DIP2B: variants seen among roughly 807,000 people sequenced by gnomAD.
DIP2B encodes DIP2 acetate--CoA ligase B (putative).
A neutral mutation model predicts 198.0 loss-of-function variants in DIP2B; 76 were observed. That is an observed-to-expected ratio of 0.38 (90% CI 0.32 to 0.46). DIP2B has a LOEUF of 0.46. Among genes scored for constraint, DIP2B ranks in the 20% least tolerant of loss-of-function variants. The pLI is 0.99. For synonymous variants in DIP2B, 701 were observed against 739.1 expected (o/e 0.95, Z 0.84); for missense variants, 1,559 against 1,978.4 (o/e 0.79, Z 4.02).
rs1939325352 is a variant in DIP2B, at chr12:50,697,056, C to T, written c.1934-5C>T. ...GCTTCAGGTTGATCTGTTCCAACTCCTTAGGGTCCGTGTCATCCTGTGATG... is the reference window on the plus strand; with the variant it reads ...GCTTCAGGTTGATCTGTTCCAACTCTTTAGGGTCCGTGTCATCCTGTGATG... On this transcript the variant is annotated splice_polypyrimidine_tract_variant and splice_region_variant and intron_variant, in intron 16 of 37. Transcript: ENST00000301180. 1 of 1,612,546 alleles carries T rather than the reference C, an allele frequency of 6.2e-7. No individual in the cohort carries two copies. The highest frequency in any genetic ancestry group is 1.7e-5 in the Admixed American group (1 of 59,860).
intron 32 of DIP2B, among the ~76,000 whole-genome samples, chr12:50,733,774 GATT>G (rs535205533): frequency 9.5e-4 from 145 of 152,336 alleles, no homozygotes; most frequent in Non-Finnish European, 5.0e-4. Flanking sequence ...CACATGGGTG[GATT>G]ATTTCAGGTC....
intron 22 of DIP2B, among the ~76,000 whole-genome samples, chr12:50,710,930 A>G (rs529829267): frequency 1.4e-4 from 21 of 152,348 alleles, no homozygotes; most frequent in African/African-American, 5.1e-4. Context: ...AATATTTTTC[A>G]TACCAATCAT....
intron 1 of DIP2B, among the ~76,000 whole-genome samples, chr12:50,549,988 T>C (rs1234662302): frequency 6.6e-6 from 1 of 152,202 alleles, no homozygotes; most frequent in Admixed American, 6.5e-5. Flanking sequence ...CCCTCTCTTC[T>C]GTGTTATTGG....
Position 50,691,061 on chromosome 12 carries a change from A to C in DIP2B, c.1564A>C (p.Lys522Gln). 1 of 1,614,002 alleles carries C rather than the reference A, an allele frequency of 6.2e-7. No individual in the cohort carries two copies. Among genetic ancestry groups the C allele is most frequent in the Non-Finnish European group, 8.5e-7 (1 of 1,179,954 alleles). Reference protein sequence around the residue: ...EPAYIEYKTSKEGSVMGVTVS... With the variant: ...EPAYIEYKTSQEGSVMGVTVS... Reference sequence around the variant, plus strand: ...TTTTGTTTTCTAGTATAAAACAAGCAAAGAAGGGAGTGTAATGGGAGTTAC... The same window carrying C: ...TTTTGTTTTCTAGTATAAAACAAGCCAAGAAGGGAGTGTAATGGGAGTTAC... Residue 522 changes from lysine to glutamine, a missense_variant, in exon 13 of 38, where the codon AAA becomes CAA. Transcript: ENST00000301180.
chr12:50,683,323 C>T (rs1288209995), intron 10 of DIP2B, 75 bp downstream of exon 10: 3 of 1,243,940 alleles, frequency 2.4e-6, no homozygotes, highest in Non-Finnish European at 3.4e-6. Context: ...TAGATGTAGT[C>T]ACAACAGTAA....
At chr12:50,695,142 TTTCAAA>T in intron 14 of DIP2B, 119 bp from the exon 15 acceptor site, 2 of 676,572 alleles carry the variant, frequency 3.0e-6, no homozygotes, top group East Asian at 5.9e-5. Context: ...TTAAGATTGT[TTTCAAA>T]GAGTGTGTAT....
intron 1 of DIP2B, among the ~76,000 whole-genome samples, chr12:50,575,633 C>G (rs1161568301): frequency 6.6e-6 from 1 of 152,174 alleles, no homozygotes; most frequent in African/African-American, 2.4e-5. Context: ...AGTGATCTGC[C>G]TCAGCCTCCC....
At chr12:50,698,159 G>T (rs1424428352) in intron 17 of DIP2B, among the ~76,000 whole-genome samples, 169 bp from the exon 18 acceptor site, 1 of 152,180 alleles carries the variant, frequency 6.6e-6, no homozygotes. Flanking sequence ...GCAGTTGCTG[G>T]GATCACAGGT....
intron 19 of DIP2B, among the ~76,000 whole-genome samples, chr12:50,700,853 A>T (rs1939404928): frequency 6.6e-6 from 1 of 152,188 alleles, no homozygotes; most frequent in South Asian, 2.1e-4. Flanking sequence ...TATACATTTA[A>T]CTAATTTAAA....
Position 50,506,270 on chromosome 12 carries a change from G to A in DIP2B, c.100+1030G>A, listed in dbSNP as rs137956397. ...CTCCAGAGTTGCATATTCTTACTGA[G>A]TTCCTTGTGGAAGGCCCTCTTCACT... On this transcript the variant is annotated intron_variant, in intron 1 of 37. Coordinates refer to ENST00000301180, the MANE Select transcript of DIP2B (RefSeq NM_173602.3). Among the ~76,000 whole-genome samples the A allele has an allele frequency of 4.7e-3, 719 of 152,252 alleles. 8 individuals carry two copies. Among genetic ancestry groups the A allele is most frequent in the African/African-American group, 0.016 (680 of 41,538 alleles).
intron 7 of DIP2B, among the ~76,000 whole-genome samples, chr12:50,676,598 T>G (rs1938951338): frequency 6.6e-6 from 1 of 152,212 alleles, no homozygotes; most frequent in South Asian, 2.1e-4. Context: ...CTGAAAAAAT[T>G]GCATTGGCAG....
At chr12:50,680,626 G>GT (rs201156743) in intron 8 of DIP2B, 46 bp from the exon 9 acceptor site, 25,655 of 1,405,688 alleles carry the variant, frequency 0.018, 50 homozygotes, top group African/African-American at 0.03. Flanking sequence ...AGGTAGACCT[G>GT]TTTTTTTTTC....
At chr12:50,679,704 A>C (rs1163265710) in intron 8 of DIP2B, 3 of 152,266 alleles carry the variant, frequency 2.0e-5, no homozygotes, top group African/African-American at 7.2e-5. Context: ...AGCTGTATAT[A>C]CATTTCATTC....
Position 50,718,970 on chromosome 12 carries a change from G to A in DIP2B, c.2977G>A (p.Glu993Lys), listed in dbSNP as rs532000455. 5.6e-6 allele frequency: 9 copies of A among 1,614,068 alleles called. No individual in the cohort carries two copies. The highest frequency in any genetic ancestry group is 1.7e-5 in the Admixed American group (1 of 60,010). Reference sequence around the variant, plus strand: ...ATGACTTCAGCACCAGTTTCTGGCAGAGATCCTACAGTGGCGAGCCCAGGC... The same window carrying A: ...ATGACTTCAGCACCAGTTTCTGGCAAAGATCCTACAGTGGCGAGCCCAGGC... ...DLVRKHQFLAEILQWRAQATP... is the reference protein window; with the variant it reads ...DLVRKHQFLAKILQWRAQATP... The change falls in exon 25 of 38, where the codon GAG (glutamate) becomes AAG (lysine). Residue 993 changes from glutamate to lysine, a missense_variant. Physicochemically the swap from Glu to Lys is moderately conservative, Grantham distance 56. Transcript: ENST00000301180.
At chr12:50,555,060 G>T (rs753039636) in intron 1 of DIP2B, among the ~76,000 whole-genome samples, 4 of 152,096 alleles carry the variant, frequency 2.6e-5, no homozygotes, top group Non-Finnish European at 4.4e-5. Context: ...GAGCCACCGC[G>T]CCTGGCTGAC....
At chr12:50,727,917 A>G in intron 29 of DIP2B, 105 bp downstream of exon 29, 1 of 896,836 alleles carries the variant, frequency 1.1e-6, no homozygotes. Context: ...AGAGACCGGT[A>G]GGCAGAGTGA....
At chr12:50,537,954 A>G (rs1958285284) in intron 1 of DIP2B, among the ~76,000 whole-genome samples, 2 of 152,196 alleles carry the variant, frequency 1.3e-5, no homozygotes, top group African/African-American at 4.8e-5. Context: ...GGACATAGAA[A>G]TGGTGAGCGC....
At chr12:50,690,861 A>G (rs1221790527) in intron 12 of DIP2B, among the ~76,000 whole-genome samples, 188 bp from the exon 13 acceptor site, 1 of 152,184 alleles carries the variant, frequency 6.6e-6, no homozygotes, top group Non-Finnish European at 1.5e-5. Context: ...GAGCTTTGTC[A>G]TCCTCCAATC....
At chr12:50,693,336 A>G (rs1939252513) in intron 14 of DIP2B, among the ~76,000 whole-genome samples, 1 of 152,236 alleles carries the variant, frequency 6.6e-6, no homozygotes, top group Non-Finnish European at 1.5e-5. Flanking sequence ...TTTGTGGAAG[A>G]AGTGACAGCT....
Sources: allele counts gnomAD v4.1 joint callset (sites outside exome capture counted in the v4.1 genomes callset), GRCh38; gene constraint gnomAD v4.1.1; transcripts MANE v1.5; gene names NCBI Gene and HGNC (gene_info 2026-07-23, HGNC 2026-07-21).